RIF1: variants seen among roughly 807,000 people sequenced by gnomAD.
RIF1 encodes telomere-associated protein RIF1.
A neutral mutation model predicts 247.1 loss-of-function variants in RIF1; 45 were observed. The observed-to-expected ratio is 0.18, with a 90% confidence interval of 0.14 to 0.23. RIF1 has a LOEUF of 0.23. Ranked by LOEUF, RIF1 falls within the 10% of genes least tolerant of loss-of-function variation. The pLI is 1.00. For synonymous variants in RIF1, 1,087 were observed against 978.8 expected, an observed-to-expected ratio of 1.11 and a Z score of -2.06; for missense variants, 2,967 against 2,862.5, an observed-to-expected ratio of 1.04 and a Z score of -0.83.
At chr2:151,503,725 C>CT (rs1336415125) in intron 12 of RIF1, among the ~76,000 whole-genome samples, 3 of 152,296 alleles carry the variant, frequency 2.0e-5, no homozygotes, top group African/African-American at 7.2e-5. Context: ...TGAGAAAAAT[C>CT]TAACCATTTT....
chr2:151,488,205 G>A (rs1409852533), intron 9 of RIF1, among the ~76,000 whole-genome samples: 2 of 151,916 alleles, frequency 1.3e-5, no homozygotes. Context: ...TAATATTTTT[G>A]TTATGTATGC....
chr2:151,509,684 G>A (rs1419460419), downstream of RIF1, among the ~76,000 whole-genome samples: 2 of 152,150 alleles, frequency 1.3e-5, no homozygotes, highest in African/African-American at 4.8e-5. Context: ...CTAGAGTCCA[G>A]TGACGTGATC....
chr2:151,494,114 G>A, intron 9 of RIF1: 1 of 1,478,966 alleles, frequency 6.8e-7, no homozygotes, highest in Non-Finnish European at 9.3e-7. Context: ...CAAACTGCAA[G>A]AGTTATTTTG....
At chr2:151,519,204 G>A in the RIF1 span, 1 of 686,588 alleles carries the variant, frequency 1.5e-6, no homozygotes, top group Non-Finnish European at 2.6e-6. Context: ...ATTCATAGTA[G>A]CCAGAAGGCA....
chr2:151,485,702 CG>C, downstream of RIF1: 1 of 1,522,612 alleles, frequency 6.6e-7, no homozygotes, highest in Non-Finnish European at 8.9e-7. Context: ...GAGTCTAAAC[CG>C]AAACATTGAC....
At chr2:151,427,419 C>T (rs1689294349) in intron 8 of RIF1, among the ~76,000 whole-genome samples, 1 of 151,758 alleles carries the variant, frequency 6.6e-6, no homozygotes, top group Admixed American at 6.6e-5. Flanking sequence ...CCATATTGGT[C>T]AGGCTGGTCT....
chr2:151,510,213 A>G (rs1290031717), downstream of RIF1, among the ~76,000 whole-genome samples: 1 of 152,158 alleles, frequency 6.6e-6, no homozygotes, highest in African/African-American at 2.4e-5. Flanking sequence ...TCAGACCCCC[A>G]ATAAACTTGT....
chr2:151,514,488 CA>C, the RIF1 span: 1 of 1,308,328 alleles, frequency 7.6e-7, no homozygotes. Context: ...TTCTCTCAGG[CA>C]AAGAAGAAAA....
At position 151,464,856 on chromosome 2, in the gene RIF1, C is replaced by G. The variant is rs759550987; in HGVS notation, c.5336C>G (p.Ala1779Gly). 1.0e-4 allele frequency: 164 copies of G among 1,602,698 alleles called. 2 individuals carry two copies. In the South Asian group the frequency reaches 1.8e-3, roughly 17 times the overall value. Reference protein sequence around the residue: ...APVSPSETSQANPYSEGQFLD... With the variant: ...APVSPSETSQGNPYSEGQFLD... ...GTAAGCCCATCAGAAACTTCTCAAG[C>G]TAATCCATATTCTGAAGGACAATTT... Residue 1779 changes from alanine (A) to glycine (G), a missense_variant, in exon 30 of 36, where the codon GCT becomes GGT. Coordinates refer to ENST00000444746, the MANE Select transcript of RIF1 (RefSeq NM_018151.5).
At chr2:151,505,431 G>T (rs929532166) in intron 12 of RIF1, 2 of 1,481,780 alleles carry the variant, frequency 1.3e-6, no homozygotes, top group African/African-American at 1.4e-5. Context: ...GGTAGCAATT[G>T]AGAGATGGCC....
intron 20 of RIF1, among the ~76,000 whole-genome samples, chr2:151,448,192 CACCACCAT>C (rs1558986172): frequency 2.6e-5 from 4 of 151,716 alleles, no homozygotes; most frequent in African/African-American, 9.7e-5. Context: ...TACAGGTGTG[CACCACCAT>C]GCCTGGCTAA....
intron 19 of RIF1, among the ~76,000 whole-genome samples, chr2:151,446,087 A>G (rs1400871533): frequency 1.3e-5 from 2 of 151,806 alleles, no homozygotes; most frequent in East Asian, 3.9e-4. Flanking sequence ...GCTCACTGCA[A>G]CCTCTACCTC....
intron 7 of RIF1, 118 bp downstream of exon 7, chr2:151,420,497 A>T: frequency 1.1e-6 from 1 of 919,238 alleles, no homozygotes; most frequent in Non-Finnish European, 1.6e-6. Context: ...CCAAAGCGGG[A>T]GGCTGAGGTG....
chr2:151,531,163 T>C, the RIF1 span: 1 of 1,126,708 alleles, frequency 8.9e-7, no homozygotes, highest in South Asian at 1.3e-5. Context: ...TATCAAAATA[T>C]AAATGCAAAG....
the RIF1 span, among the ~76,000 whole-genome samples, chr2:151,521,188 C>T: frequency 5.9e-5 from 9 of 152,272 alleles, no homozygotes; most frequent in African/African-American, 1.9e-4. Context: ...TCCAGCACAA[C>T]AGACACAAAA....
rs1044714519 is a variant in RIF1, at chr2:151,464,447, C to G, written c.4927C>G (p.Pro1643Ala). 1.2e-6 allele frequency: 2 copies of G among 1,613,386 alleles called. No individual in the cohort carries two copies. The highest frequency in any genetic ancestry group is 2.7e-5 in the African/African-American group (2 of 74,906). The change falls in exon 30 of 36, where the codon CCT becomes GCT. Residue 1643 changes from proline (P) to alanine (A), a missense_variant. Transcript: ENST00000444746. The part of the protein sequence containing the change: ...STVTSDLLQV[P>A]DDLPNVCEEK... ...AGTAACTTCAGATTTGTTGCAAGTTCCTGATGATTTACCAAATGTGTGTGA... is the reference window on the plus strand; with the variant it reads ...AGTAACTTCAGATTTGTTGCAAGTTGCTGATGATTTACCAAATGTGTGTGA...
the RIF1 span, among the ~76,000 whole-genome samples, chr2:151,526,564 C>T: frequency 2.5e-4 from 38 of 152,256 alleles, no homozygotes; most frequent in African/African-American, 8.7e-4. Flanking sequence ...ATTATTATTC[C>T]GTCTTTACAG....
At chr2:151,482,879 G>T (rs1259990775), downstream of RIF1, among the ~76,000 whole-genome samples, 1 of 152,102 alleles carries the variant, frequency 6.6e-6, no homozygotes, top group Non-Finnish European at 1.5e-5. Context: ...CCTCTCCCCA[G>T]CTAGCTTGGT....
intron 10 of RIF1, chr2:151,497,048 A>G: frequency 6.4e-7 from 1 of 1,558,188 alleles, no homozygotes; most frequent in Non-Finnish European, 8.7e-7. Flanking sequence ...GCGATAAGAA[A>G]GCAACCAGAA....
Sources: gnomAD v4.1 joint callset for allele counts (sites outside exome capture counted in the v4.1 genomes callset) on GRCh38, gnomAD v4.1.1 for gene constraint, MANE v1.5 for transcripts, NCBI Gene and HGNC (gene_info 2026-07-23, HGNC 2026-07-21) for gene names.